RSU1: variants seen among roughly 807,000 people sequenced by gnomAD.
The protein encoded by RSU1 is rsu-1.
RSU1 carries 26 observed loss-of-function variants against 31.1 expected under a neutral mutation model. The ratio of observed to expected loss-of-function variants is 0.84; its 90% confidence interval spans 0.61 to 1.16. The LOEUF is 1.16. Among genes scored for constraint, RSU1 ranks in the 50% most tolerant of loss-of-function variants. The pLI, the probability that RSU1 is intolerant of heterozygous loss-of-function variation, is 0.00. For missense variants in RSU1, 320 were observed against 339.1 expected (o/e 0.94, Z 0.44); for synonymous variants, 164 against 136.3 (o/e 1.20, Z -1.41).
At chr10:16,797,368 C>A (rs1481904331) in intron 2 of RSU1, among the ~76,000 whole-genome samples, 1 of 152,232 alleles carries the variant, frequency 6.6e-6, no homozygotes, top group Admixed American at 6.5e-5. Flanking sequence ...AAGCAAGCCA[C>A]TGTATTTCTG....
At chr10:16,612,656 T>C (rs1175789173) in intron 8 of RSU1, among the ~76,000 whole-genome samples, 2 of 152,206 alleles carry the variant, frequency 1.3e-5, no homozygotes, top group Non-Finnish European at 2.9e-5. Flanking sequence ...TGATCATAAG[T>C]TAAGCCTCCA....
intron 8 of RSU1, among the ~76,000 whole-genome samples, chr10:16,632,537 T>G (rs1834270110): frequency 6.6e-6 from 1 of 152,206 alleles, no homozygotes. Flanking sequence ...GCTGGCAAAC[T>G]GCAGTGCCCC....
At chr10:16,615,031 A>G (rs1309453683) in intron 8 of RSU1, among the ~76,000 whole-genome samples, 1 of 152,224 alleles carries the variant, frequency 6.6e-6, no homozygotes, top group East Asian at 1.9e-4. Context: ...CACACATAAC[A>G]ATATTAACCT....
chr10:16,691,548 C>T (rs1201664645), intron 8 of RSU1, among the ~76,000 whole-genome samples: 1 of 151,796 alleles, frequency 6.6e-6, no homozygotes, highest in Non-Finnish European at 1.5e-5. Context: ...CTTCTCCTTC[C>T]CAAGGAGGAC....
chr10:16,772,870 A>G (rs1206770885), intron 3 of RSU1, among the ~76,000 whole-genome samples: 1 of 152,138 alleles, frequency 6.6e-6, no homozygotes, highest in African/African-American at 2.4e-5. Context: ...TGCACACAGA[A>G]AAAGCACGTT....
chr10:16,625,690 T>G (rs950697881), intron 8 of RSU1, among the ~76,000 whole-genome samples: 1 of 152,098 alleles, frequency 6.6e-6, no homozygotes, highest in East Asian at 1.9e-4. Context: ...ACCTTACTTA[T>G]CAGGTAATGA....
chr10:16,679,413 C>G (rs1366183524), intron 8 of RSU1, among the ~76,000 whole-genome samples: 1 of 152,056 alleles, frequency 6.6e-6, no homozygotes, highest in Non-Finnish European at 1.5e-5. Flanking sequence ...TGTCTGACAC[C>G]TGGGAAAGAA....
chr10:16,638,912 T>C (rs940677645), intron 8 of RSU1, among the ~76,000 whole-genome samples: 4 of 152,238 alleles, frequency 2.6e-5, no homozygotes, highest in African/African-American at 4.8e-5. Context: ...TTGTGATTCA[T>C]CTTCCTCCTG....
intron 8 of RSU1, among the ~76,000 whole-genome samples, chr10:16,689,331 A>G (rs1835497793): frequency 6.6e-6 from 1 of 152,230 alleles, no homozygotes; most frequent in African/African-American, 2.4e-5. Context: ...CTGTTTTAAA[A>G]TGAATGGGCT....
chr10:16,806,596 T>C (rs1031987072), intron 2 of RSU1, among the ~76,000 whole-genome samples: 2 of 152,196 alleles, frequency 1.3e-5, no homozygotes, highest in African/African-American at 4.8e-5. Flanking sequence ...GTGTATTATA[T>C]TAATACACTC....
intron 7 of RSU1, among the ~76,000 whole-genome samples, chr10:16,732,316 C>T (rs1056053110): frequency 6.6e-6 from 1 of 152,192 alleles, no homozygotes; most frequent in Non-Finnish European, 1.5e-5. Flanking sequence ...TATGACCCCT[C>T]CAAATCCATA....
At chr10:16,812,505 A>C (rs1418928491) in intron 2 of RSU1, among the ~76,000 whole-genome samples, 1 of 152,208 alleles carries the variant, frequency 6.6e-6, no homozygotes, top group African/African-American at 2.4e-5. Context: ...CTAAAATTAC[A>C]GGTCCTCCCC....
intron 7 of RSU1, among the ~76,000 whole-genome samples, chr10:16,699,914 T>C (rs542305621): frequency 6.6e-6 from 1 of 152,372 alleles, no homozygotes; most frequent in African/African-American, 2.4e-5. Flanking sequence ...AACGACCACA[T>C]ATGCTTCTTT....
rs192118683 is a variant in RSU1, at chr10:16,757,173, T to A, written c.282-2184A>T. Among the ~76,000 whole-genome samples, 10 of 152,048 alleles carry A rather than the reference T, an allele frequency of 6.6e-5. No individual in the cohort carries two copies. The East Asian group carries it at 1.7e-3, about 26-fold the overall frequency. Reference sequence around the variant, plus strand: ...TCTAAGGGAATTTTTTTCTACACTATCTTTTATCCTTTCTTCAAGCCCCTT... The same window carrying A: ...TCTAAGGGAATTTTTTTCTACACTAACTTTTATCCTTTCTTCAAGCCCCTT... On this transcript the variant is annotated intron_variant, in intron 4 of 8. Transcript: ENST00000345264.
At chr10:16,778,795 G>C (rs966202384) in intron 3 of RSU1, among the ~76,000 whole-genome samples, 5 of 152,196 alleles carry the variant, frequency 3.3e-5, no homozygotes, top group African/African-American at 1.2e-4. Context: ...AAATGGAGAG[G>C]AGAGGCTGGC....
At chr10:16,614,515 ATTGT>A (rs1028231100) in intron 8 of RSU1, among the ~76,000 whole-genome samples, 2 of 152,218 alleles carry the variant, frequency 1.3e-5, no homozygotes, top group Non-Finnish European at 2.9e-5. Flanking sequence ...GTATCAATGG[ATTGT>A]TTGTAACAAA....
chr10:16,609,289 G>A (rs1396592334), intron 8 of RSU1, among the ~76,000 whole-genome samples: 2 of 152,188 alleles, frequency 1.3e-5, no homozygotes, highest in Non-Finnish European at 2.9e-5. Flanking sequence ...CCTCACCTAG[G>A]AGCTGCCTCT....
At chr10:16,718,555 GC>G (rs1350190634) in intron 7 of RSU1, among the ~76,000 whole-genome samples, 4 of 152,116 alleles carry the variant, frequency 2.6e-5, no homozygotes, top group African/African-American at 9.7e-5. Context: ...AGGTCCCCTA[GC>G]CAATGATGAC....
intron 8 of RSU1, among the ~76,000 whole-genome samples, chr10:16,683,553 CA>C (rs1835377520): frequency 6.6e-6 from 1 of 152,096 alleles, no homozygotes; most frequent in African/African-American, 2.4e-5. Flanking sequence ...AGTAAATTAT[CA>C]TTGAAGTTTT....
Sources: allele counts gnomAD v4.1 joint callset (sites outside exome capture counted in the v4.1 genomes callset), GRCh38; gene constraint gnomAD v4.1.1; transcripts MANE v1.5; gene names NCBI Gene and HGNC (gene_info 2026-07-23, HGNC 2026-07-21).